Variants in OSBPL8 observed in about 807,000 individuals in gnomAD.
OSBPL8 encodes the protein oxysterol-binding protein-related protein 8.
OSBPL8 carries 59 observed loss-of-function variants against 125.5 expected under a neutral mutation model. The ratio of observed to expected loss-of-function variants is 0.47; its 90% confidence interval spans 0.38 to 0.58. The LOEUF is 0.58. Among genes scored for constraint, OSBPL8 ranks in the 20% least tolerant of loss-of-function variants. The probability of loss-of-function intolerance (pLI) is 0.00; values close to 1 mark genes in which losing one functional copy is unlikely to be tolerated. For synonymous variants in OSBPL8, 330 were observed against 338.9 expected (o/e 0.97, Z 0.29); for missense variants, 758 against 1,047.8 (o/e 0.72, Z 3.82).
chr12:76,511,526 C>T (rs1471772638), intron 1 of OSBPL8, among the ~76,000 whole-genome samples: 1 of 152,164 alleles, frequency 6.6e-6, no homozygotes, highest in Non-Finnish European at 1.5e-5. Flanking sequence ...GGTATGTCTT[C>T]TTTCGAAAAG....
intron 1 of OSBPL8, among the ~76,000 whole-genome samples, chr12:76,513,211 C>T (rs150217011): frequency 3.5e-4 from 53 of 149,690 alleles, no homozygotes; most frequent in African/African-American, 1.2e-3. Flanking sequence ...TGTTTTATAT[C>T]CAATTATGTG....
chr12:76,385,760 T>C (rs1953282803), intron 14 of OSBPL8, among the ~76,000 whole-genome samples: 1 of 152,032 alleles, frequency 6.6e-6, no homozygotes, highest in Non-Finnish European at 1.5e-5. Flanking sequence ...TTGACTACTG[T>C]GGAGAACTAG....
At chr12:76,542,527 G>A (rs753711081) in intron 1 of OSBPL8, among the ~76,000 whole-genome samples, 5 of 152,206 alleles carry the variant, frequency 3.3e-5, no homozygotes, top group Non-Finnish European at 7.3e-5. Context: ...CCCCCAAAGT[G>A]TCTGATTCTA....
At chr12:76,527,216 G>A (rs1950203763) in intron 1 of OSBPL8, among the ~76,000 whole-genome samples, 2 of 144,212 alleles carry the variant, frequency 1.4e-5, no homozygotes, top group South Asian at 4.8e-4. Flanking sequence ...CCTGTCTTTA[G>A]AGTAATAAAT....
chr12:76,433,792 G>A (rs10400522), intron 4 of OSBPL8, among the ~76,000 whole-genome samples: 24,133 of 151,776 alleles, frequency 0.16, 2,254 homozygotes, highest in Middle Eastern at 0.24. Flanking sequence ...GACCAACATC[G>A]TGAAATGCCA....
Position 76,392,565 on chromosome 12 carries a change from G to C in OSBPL8, c.929+16C>G. The C allele has an allele frequency of 6.3e-7, 1 of 1,591,696 alleles. No individual in the cohort carries two copies. The highest frequency in any genetic ancestry group is 8.6e-7 in the Non-Finnish European group (1 of 1,163,256). On this transcript the variant is annotated intron_variant, in intron 10 of 23. Coordinates refer to ENST00000261183, the MANE Select transcript of OSBPL8 (RefSeq NM_020841.5). Reference sequence around the variant, plus strand: ...GTCTCTGAAACATTACCAACTCAGCGGCAGTATCTACTTACTGGAAGTTAT... The same window carrying C: ...GTCTCTGAAACATTACCAACTCAGCCGCAGTATCTACTTACTGGAAGTTAT...
chr12:76,454,606 C>A (rs931317801), intron 3 of OSBPL8, among the ~76,000 whole-genome samples: 2 of 151,910 alleles, frequency 1.3e-5, no homozygotes, highest in African/African-American at 4.8e-5. Flanking sequence ...GTAGTCCCAG[C>A]TACTAGGGAG....
intron 1 of OSBPL8, among the ~76,000 whole-genome samples, chr12:76,496,457 A>C (rs1162870412): frequency 6.6e-6 from 1 of 151,550 alleles, no homozygotes; most frequent in Admixed American, 6.6e-5. Context: ...TACAACCTCA[A>C]CCACCTGGGT....
intron 1 of OSBPL8, among the ~76,000 whole-genome samples, chr12:76,537,248 T>C (rs1452016393): frequency 6.6e-6 from 1 of 152,154 alleles, no homozygotes; most frequent in African/African-American, 2.4e-5. Context: ...CAAGAATTAT[T>C]TCATAGCATA....
chr12:76,381,159 A>T (rs1953032412), intron 15 of OSBPL8, among the ~76,000 whole-genome samples: 1 of 152,094 alleles, frequency 6.6e-6, no homozygotes, highest in African/African-American at 2.4e-5. Context: ...ATTTGTTACT[A>T]CTTAAGAATT....
At chr12:76,525,412 TA>T (rs1304501545) in intron 1 of OSBPL8, among the ~76,000 whole-genome samples, 1 of 152,196 alleles carries the variant, frequency 6.6e-6, no homozygotes. Flanking sequence ...ATTACTTATG[TA>T]ATAAGTCAAA....
intron 1 of OSBPL8, among the ~76,000 whole-genome samples, chr12:76,531,023 A>G (rs1300818813): frequency 1.3e-5 from 2 of 152,186 alleles, no homozygotes; most frequent in Non-Finnish European, 2.9e-5. Flanking sequence ...ACACTGCTAT[A>G]AACAACTGCC....
chr12:76,465,285 G>C (rs933424568), intron 2 of OSBPL8, among the ~76,000 whole-genome samples: 2 of 152,204 alleles, frequency 1.3e-5, no homozygotes, highest in Non-Finnish European at 2.9e-5. Flanking sequence ...GTCTGGCCAG[G>C]TGCAGTGGCT....
At chr12:76,383,777 T>C (rs1391268560) in intron 15 of OSBPL8, among the ~76,000 whole-genome samples, 1 of 152,248 alleles carries the variant, frequency 6.6e-6, no homozygotes, top group Non-Finnish European at 1.5e-5. Flanking sequence ...TTTCCTACTA[T>C]AACCATTTCT....
At chr12:76,526,475 ATT>A (rs553591983) in intron 1 of OSBPL8, among the ~76,000 whole-genome samples, 1 of 150,646 alleles carries the variant, frequency 6.6e-6, no homozygotes, top group African/African-American at 2.4e-5. Flanking sequence ...CAGTTACTTA[ATT>A]TTTTTTTACT....
chr12:76,545,570 A>G (rs763517340), intron 1 of OSBPL8, among the ~76,000 whole-genome samples: 44 of 152,154 alleles, frequency 2.9e-4, no homozygotes, highest in Non-Finnish European at 4.9e-4. Context: ...CCCAAAAGAA[A>G]TTTATTCATA....
At chr12:76,456,570 C>T (rs1391290275) in intron 3 of OSBPL8, among the ~76,000 whole-genome samples, 2 of 151,896 alleles carry the variant, frequency 1.3e-5, no homozygotes, top group Admixed American at 1.3e-4. Context: ...CAGGTTGTGT[C>T]CTTGCACTAG....
chr12:76,548,679 A>G (rs999663821), intron 1 of OSBPL8, among the ~76,000 whole-genome samples: 10 of 152,048 alleles, frequency 6.6e-5, no homozygotes, highest in African/African-American at 2.4e-4. Context: ...CCCTAAAACA[A>G]TCTGCCAAGA....
chr12:76,441,716 GA>G lies in OSBPL8; in HGVS notation c.217+9134del, dbSNP rs1872202281. 2.0e-5 allele frequency among the ~76,000 whole-genome samples: 3 copies of G among 151,930 alleles called. No individual in the cohort carries two copies. The South Asian group carries it at 6.2e-4, about 32-fold the overall frequency. On this transcript the variant is annotated intron_variant, in intron 4 of 23. Transcript: ENST00000261183. The stretch of plus-strand genomic sequence containing the variant: ...CAAGGAAAAAATACTCCTTATTTGT[GA>G]CATCTTAAAATCAAAACGATTGAAC...
Sources: gnomAD v4.1 joint callset for allele counts (sites outside exome capture counted in the v4.1 genomes callset) on GRCh38, gnomAD v4.1.1 for gene constraint, MANE v1.5 for transcripts, NCBI Gene and HGNC (gene_info 2026-07-23, HGNC 2026-07-21) for gene names.